The following DLGAP2 variants were observed in gnomAD, a reference collection of about 807,000 sequenced individuals.
The protein encoded by DLGAP2 is DLG associated protein 2.
Under a neutral mutation model 100.3 loss-of-function variants are expected in DLGAP2, and 26 were observed. The observed-to-expected ratio is 0.26, with a 90% CI of 0.19 to 0.36. DLGAP2 has a LOEUF of 0.36. DLGAP2 is among the 10% of genes least tolerant of loss of function. DLGAP2 has a pLI of 1.00. For missense variants in DLGAP2, 1,858 were observed against 1,453.2 expected (o/e 1.28, Z -4.53); for synonymous variants, 886 against 630.1 (o/e 1.41, Z -6.08).
At chr8:1,340,042 C>G (rs554159592) in intron 3 of DLGAP2, among the ~76,000 whole-genome samples, 1 of 152,108 alleles carries the variant, frequency 6.6e-6, no homozygotes, top group Non-Finnish European at 1.5e-5. Flanking sequence ...ACTGGCAGGA[C>G]GTGTGCAGAA....
chr8:1,093,522 C>A (rs1190822557), intron 2 of DLGAP2, among the ~76,000 whole-genome samples: 1 of 151,550 alleles, frequency 6.6e-6, no homozygotes, highest in East Asian at 1.9e-4. Flanking sequence ...AACAGCCAGA[C>A]CGAAACACCT....
chr8:1,096,586 C>T (rs1291423389), intron 2 of DLGAP2, among the ~76,000 whole-genome samples: 10 of 151,064 alleles, frequency 6.6e-5, no homozygotes, highest in Admixed American at 6.6e-4. Flanking sequence ...CTAGGGCAGG[C>T]CTTCACCCTC....
chr8:936,248 G>A (rs912715869), intron 2 of DLGAP2, among the ~76,000 whole-genome samples: 1 of 152,174 alleles, frequency 6.6e-6, no homozygotes, highest in African/African-American at 2.4e-5. Context: ...AGCCTTGACT[G>A]CTCCCATCAA....
At chr8:1,290,093 C>T (rs1800025028) in intron 3 of DLGAP2, among the ~76,000 whole-genome samples, 1 of 152,134 alleles carries the variant, frequency 6.6e-6, no homozygotes, top group South Asian at 2.1e-4. Flanking sequence ...GGAATTTATT[C>T]CTACCTGGGC....
intron 3 of DLGAP2, among the ~76,000 whole-genome samples, chr8:1,438,881 T>A (rs1340197469): frequency 6.6e-6 from 1 of 152,232 alleles, no homozygotes; most frequent in Non-Finnish European, 1.5e-5. Flanking sequence ...TATCGTAATA[T>A]TCACCTTCTC....
chr8:1,310,139 A>C (rs1364672908), intron 3 of DLGAP2, among the ~76,000 whole-genome samples: 1 of 152,096 alleles, frequency 6.6e-6, no homozygotes, highest in East Asian at 1.9e-4. Flanking sequence ...TCTATGTTTA[A>C]TCCTAATATT....
At chr8:975,220 T>C (rs892885844) in intron 2 of DLGAP2, among the ~76,000 whole-genome samples, 2 of 152,198 alleles carry the variant, frequency 1.3e-5, no homozygotes, top group African/African-American at 4.8e-5. Context: ...AACAGGCCTA[T>C]ATCTATTAAA....
chr8:1,069,994 A>G (rs1462309122), intron 2 of DLGAP2, among the ~76,000 whole-genome samples: 1 of 152,178 alleles, frequency 6.6e-6, no homozygotes, highest in Admixed American at 6.5e-5. Context: ...TTAAACACAC[A>G]TTTAGCTTTG....
At position 1,690,278 on chromosome 8, in the gene DLGAP2, T is replaced by C. The variant is rs927932483; in HGVS notation, c.2705-1257T>C. On this transcript the variant is annotated intron_variant, in intron 12 of 14. Transcript: ENST00000637795. ...GGCTGAGGCAGGAGAATCACTTGAATTCAGGAGGTGGAGGCTGCAGTGAGC... is the reference window on the plus strand; with the variant it reads ...GGCTGAGGCAGGAGAATCACTTGAACTCAGGAGGTGGAGGCTGCAGTGAGC... Among the ~76,000 whole-genome samples, 3 of 145,842 alleles carry C rather than the reference T, an allele frequency of 2.1e-5. No individual in the cohort carries two copies. The South Asian group carries it at 6.7e-4, about 32-fold the overall frequency.
chr8:1,566,210 A>G (rs556668289), intron 6 of DLGAP2, among the ~76,000 whole-genome samples: 216 of 152,196 alleles, frequency 1.4e-3, no homozygotes, highest in Non-Finnish European at 2.5e-3. Context: ...CTCTGTTTGT[A>G]TGAATGTGTG....
At chr8:792,656 G>C (rs1391909359) in intron 1 of DLGAP2, among the ~76,000 whole-genome samples, 1 of 152,156 alleles carries the variant, frequency 6.6e-6, no homozygotes, top group African/African-American at 2.4e-5. Flanking sequence ...AATAAAAATG[G>C]ATTGATCTTA....
chr8:1,161,069 T>C (rs1469232548), intron 2 of DLGAP2, among the ~76,000 whole-genome samples: 1 of 152,240 alleles, frequency 6.6e-6, no homozygotes, highest in Non-Finnish European at 1.5e-5. Context: ...ATAAGACACT[T>C]TGCCTATTCC....
chr8:948,250 C>G lies in DLGAP2; in HGVS notation c.73+40284C>G, dbSNP rs1233516052. Among the ~76,000 whole-genome samples the G allele has an allele frequency of 1.3e-5, 2 of 152,242 alleles. 1 individual carries two copies. Among genetic ancestry groups the G allele is most frequent in the South Asian group, 4.1e-4 (2 of 4,836 alleles). On this transcript the variant is annotated intron_variant, in intron 2 of 14. Coordinates refer to ENST00000637795, the MANE Select transcript of DLGAP2 (RefSeq NM_001346810.2). ...ATAGGTGGAGGCTCCCCCTACGGCC[C>G]TGTGTGGAGGACCCTGTTTCCTGGG... is the stretch of plus-strand genomic sequence containing the variant.
At chr8:1,417,749 A>G (rs1009333511) in intron 3 of DLGAP2, among the ~76,000 whole-genome samples, 2 of 37,182 alleles carry the variant, frequency 5.4e-5, no homozygotes, top group South Asian at 9.2e-4. Flanking sequence ...ACGGAGACCT[A>G]TGAACGGACC....
chr8:889,854 C>T (rs920838790), intron 1 of DLGAP2, among the ~76,000 whole-genome samples: 4 of 152,254 alleles, frequency 2.6e-5, no homozygotes, highest in East Asian at 1.9e-4. Flanking sequence ...AGAATCTTCA[C>T]GTTCCGGGGC....
chr8:1,268,291 A>G (rs1799509207), intron 3 of DLGAP2, among the ~76,000 whole-genome samples: 1 of 152,110 alleles, frequency 6.6e-6, no homozygotes, highest in Non-Finnish European at 1.5e-5. Context: ...AATACTCCCT[A>G]TTTTCTTGTT....
In DLGAP2 at chr8:788,574, A is replaced by G. The variant is rs529286799; in HGVS notation, c.18+50749A>G. The stretch of plus-strand genomic sequence containing the variant: ...TAGTAGCCATTTACAAATAACCTAC[A>G]CCTTTGATAACATAAATATTTTTTC... On this transcript the variant is annotated intron_variant, in intron 1 of 14. Coordinates refer to ENST00000637795, the MANE Select transcript of DLGAP2 (RefSeq NM_001346810.2). 1.2e-3 allele frequency among the ~76,000 whole-genome samples: 190 copies of G among 152,252 alleles called. 2 individuals carry two copies. The highest frequency in any genetic ancestry group is 4.5e-3 in the African/African-American group (187 of 41,558).
At chr8:805,500 A>G (rs1031840965) in intron 1 of DLGAP2, among the ~76,000 whole-genome samples, 5 of 152,190 alleles carry the variant, frequency 3.3e-5, no homozygotes, top group African/African-American at 1.2e-4. Flanking sequence ...CCAAACTCAG[A>G]TGGCTCCCAG....
At chr8:1,586,344 G>A (rs1796118632) in intron 6 of DLGAP2, among the ~76,000 whole-genome samples, 1 of 152,232 alleles carries the variant, frequency 6.6e-6, no homozygotes, top group Non-Finnish European at 1.5e-5. Context: ...GCCACCCACA[G>A]GGATGTGTTA....
Sources: allele counts gnomAD v4.1 joint callset (sites outside exome capture counted in the v4.1 genomes callset), GRCh38; gene constraint gnomAD v4.1.1; transcripts MANE v1.5; gene names NCBI Gene and HGNC (gene_info 2026-07-23, HGNC 2026-07-21).